Variants in DLG2 observed in about 807,000 individuals in gnomAD.
DLG2 encodes the protein discs large MAGUK scaffold protein 2.
A neutral mutation model predicts 132.5 loss-of-function variants in DLG2; 45 were observed. The observed-to-expected ratio is 0.34, with a 90% CI of 0.27 to 0.44. The LOEUF is 0.44. DLG2 is among the 20% of genes least tolerant of loss of function. The pLI, the probability that DLG2 is intolerant of heterozygous loss-of-function variation, is 1.00. For missense variants in DLG2, 1,045 were observed against 1,196.9 expected, an observed-to-expected ratio of 0.87 and a Z score of 1.87; for synonymous variants, 424 against 419.6, an observed-to-expected ratio of 1.01 and a Z score of -0.13.
At chr11:84,196,852 C>A (rs1228650385) in intron 8 of DLG2, among the ~76,000 whole-genome samples, 1 of 151,614 alleles carries the variant, frequency 6.6e-6, no homozygotes, top group Non-Finnish European at 1.5e-5. Context: ...TCAGCCTAGT[C>A]AACAAGGCGA....
intron 6 of DLG2, among the ~76,000 whole-genome samples, chr11:84,538,966 T>A (rs1451186983): frequency 6.6e-6 from 1 of 152,174 alleles, no homozygotes; most frequent in African/African-American, 2.4e-5. Context: ...TCTCTGCTTG[T>A]ATTCAAATCT....
chr11:84,375,709 A>G lies in DLG2; in HGVS notation c.520-124418T>C, dbSNP rs2098726326. On this transcript the variant is annotated intron_variant, in intron 7 of 27. Transcript: ENST00000376104. ...TACAGTGTTAGCTGGCCATATTTTA[A>G]TACTGATTGTTATTGAGGCTAGATC... Among the ~76,000 whole-genome samples the G allele has an allele frequency of 1.3e-5, 2 of 151,934 alleles. 1 individual carries two copies. Among genetic ancestry groups the G allele is most frequent in the South Asian group, 4.1e-4 (2 of 4,834 alleles).
At chr11:84,648,337 G>A (rs1474023858) in intron 6 of DLG2, among the ~76,000 whole-genome samples, 1 of 152,166 alleles carries the variant, frequency 6.6e-6, no homozygotes, top group Non-Finnish European at 1.5e-5. Flanking sequence ...CTGCATTCTA[G>A]GGTGTTTGTA....
intron 9 of DLG2, among the ~76,000 whole-genome samples, chr11:84,115,522 T>C (rs2093592328): frequency 6.6e-6 from 1 of 152,188 alleles, no homozygotes; most frequent in Non-Finnish European, 1.5e-5. Flanking sequence ...CGGACACCTG[T>C]CTCCTCTTTG....
At chr11:84,930,907 C>T (rs1300382325) in intron 6 of DLG2, among the ~76,000 whole-genome samples, 2 of 152,114 alleles carry the variant, frequency 1.3e-5, no homozygotes, top group African/African-American at 4.8e-5. Flanking sequence ...AAGCCAGCCC[C>T]TCACTCTCCA....
At chr11:85,592,291 T>C (rs1462316041) in intron 3 of DLG2, among the ~76,000 whole-genome samples, 3 of 152,228 alleles carry the variant, frequency 2.0e-5, no homozygotes, top group Non-Finnish European at 4.4e-5. Context: ...ACTTGTACTC[T>C]TTTTATTTAA....
At chr11:84,918,794 T>C (rs942457088) in intron 6 of DLG2, among the ~76,000 whole-genome samples, 1 of 152,174 alleles carries the variant, frequency 6.6e-6, no homozygotes, top group African/African-American at 2.4e-5. Flanking sequence ...CTTCCTTTTT[T>C]TCTTTCTCTC....
At chr11:83,993,851 A>G (rs2093866226) in intron 11 of DLG2, among the ~76,000 whole-genome samples, 1 of 152,166 alleles carries the variant, frequency 6.6e-6, no homozygotes, top group South Asian at 2.1e-4. Context: ...CAAAGCCACA[A>G]AAGTTACATA....
intron 4 of DLG2, among the ~76,000 whole-genome samples, chr11:85,282,021 T>C (rs914035624): frequency 6.6e-6 from 1 of 151,720 alleles, no homozygotes; most frequent in Non-Finnish European, 1.5e-5. Context: ...GGGAATTTAC[T>C]TGACTAAAAA....
intron 6 of DLG2, among the ~76,000 whole-genome samples, chr11:84,899,127 A>G (rs1190926210): frequency 5.9e-5 from 9 of 152,080 alleles, no homozygotes; most frequent in Non-Finnish European, 1.3e-4. Context: ...AGAATTAAAT[A>G]AATAAAACTG....
chr11:83,849,401 T>C (rs890470371), intron 16 of DLG2, among the ~76,000 whole-genome samples: 1 of 151,476 alleles, frequency 6.6e-6, no homozygotes, highest in African/African-American at 2.4e-5. Flanking sequence ...CATAAACATT[T>C]GTCAAGTATT....
intron 7 of DLG2, among the ~76,000 whole-genome samples, chr11:84,463,798 C>T (rs1345834709): frequency 6.6e-6 from 1 of 150,884 alleles, no homozygotes; most frequent in Non-Finnish European, 1.5e-5. Flanking sequence ...TTGAACACAC[C>T]CGTGGGTTTT....
intron 11 of DLG2, among the ~76,000 whole-genome samples, chr11:83,997,855 T>C (rs1205564887): frequency 2.7e-5 from 4 of 150,338 alleles, no homozygotes; most frequent in Non-Finnish European, 5.9e-5. Flanking sequence ...ACTGAGAATA[T>C]TGAAGTACTT....
chr11:85,465,343 T>G (rs928044802), intron 3 of DLG2, among the ~76,000 whole-genome samples: 1 of 151,854 alleles, frequency 6.6e-6, no homozygotes, highest in East Asian at 1.9e-4. Flanking sequence ...CTAGGGTACA[T>G]GAGCACAATG....
chr11:84,420,639 A>G (rs1463666713), intron 7 of DLG2, among the ~76,000 whole-genome samples: 1 of 109,964 alleles, frequency 9.1e-6, no homozygotes, highest in African/African-American at 2.9e-5. Context: ...ACAGTGACCA[A>G]TGCTTGTTTT....
chr11:84,626,625 GA>G (rs1357312581), intron 6 of DLG2, among the ~76,000 whole-genome samples: 1 of 152,088 alleles, frequency 6.6e-6, no homozygotes, highest in African/African-American at 2.4e-5. Context: ...TAATTAAAAT[GA>G]AAAAGGCACT....
At chr11:85,261,487 C>T (rs2076938114) in intron 4 of DLG2, among the ~76,000 whole-genome samples, 1 of 151,980 alleles carries the variant, frequency 6.6e-6, no homozygotes, top group African/African-American at 2.4e-5. Context: ...ATAGAATTGA[C>T]CCTACCTATG....
intron 6 of DLG2, among the ~76,000 whole-genome samples, chr11:84,912,611 C>G (rs1014835510): frequency 6.6e-6 from 1 of 152,228 alleles, no homozygotes; most frequent in African/African-American, 2.4e-5. Flanking sequence ...AACTGATTTC[C>G]TCACCTAGAA....
intron 7 of DLG2, among the ~76,000 whole-genome samples, chr11:84,531,618 G>C (rs893899478): frequency 8.5e-5 from 13 of 152,122 alleles, no homozygotes; most frequent in African/African-American, 3.1e-4. Context: ...AATCCTTGAT[G>C]AGCTTCCCTT....
Sources: gnomAD v4.1 joint callset for allele counts (sites outside exome capture counted in the v4.1 genomes callset) on GRCh38, gnomAD v4.1.1 for gene constraint, MANE v1.5 for transcripts, NCBI Gene and HGNC (gene_info 2026-07-23, HGNC 2026-07-21) for gene names.